RBM41: variants seen among roughly 807,000 people sequenced by gnomAD.
RBM41 encodes RNA-binding protein 41.
Under a neutral mutation model 30.8 loss-of-function variants are expected in RBM41, and 14 were observed. That is an observed-to-expected ratio of 0.45 (90% confidence interval 0.30 to 0.71). The LOEUF is 0.71. Among genes scored for constraint, RBM41 ranks in the 30% least tolerant of loss-of-function variants. RBM41 has a pLI of 0.08. For missense variants in RBM41, 276 were observed against 326.3 expected, an observed-to-expected ratio of 0.85 and a Z score of 1.19; for synonymous variants, 120 against 110.1, an observed-to-expected ratio of 1.09 and a Z score of -0.56.
At chrX:107,111,707 A>G (rs1924492689) in intron 5 of RBM41, among the ~76,000 whole-genome samples, 1 of 111,787 alleles carries the variant, frequency 8.9e-6, no homozygotes, top group Non-Finnish European at 1.9e-5. Context: ...TTCCACCTTA[A>G]AAAGAAAATT....
chrX:107,091,707 T>C (rs1484486445), intron 5 of RBM41, among the ~76,000 whole-genome samples: 1 of 112,120 alleles, frequency 8.9e-6, no homozygotes, highest in African/African-American at 3.2e-5. Flanking sequence ...AATAGGCATA[T>C]ATACACATAT....
chrX:107,090,287 T>C (rs1260854733), intron 5 of RBM41, among the ~76,000 whole-genome samples: 1 of 111,017 alleles, frequency 9.0e-6, no homozygotes, highest in Non-Finnish European at 1.9e-5. Context: ...GGCAGGAGAA[T>C]TGCTTGAACC....
intron 6 of RBM41, among the ~76,000 whole-genome samples, chrX:107,077,087 G>A (rs1255375792): frequency 4.5e-5 from 5 of 111,520 alleles, no homozygotes; most frequent in African/African-American, 6.5e-5. Context: ...AACAAACTTC[G>A]AGTTTCTCAT....
intron 6 of RBM41, among the ~76,000 whole-genome samples, chrX:107,075,284 C>A (rs775843928): frequency 8.9e-6 from 1 of 111,900 alleles, no homozygotes; most frequent in East Asian, 2.8e-4. Flanking sequence ...TTTAAATATA[C>A]GACCTGAGAC....
intron 5 of RBM41, among the ~76,000 whole-genome samples, chrX:107,091,021 C>G (rs1427196866): frequency 9.1e-6 from 1 of 109,463 alleles, no homozygotes; most frequent in African/African-American, 3.3e-5. Flanking sequence ...CATGTGTTCT[C>G]ATTGTTCAAC....
intron 6 of RBM41, among the ~76,000 whole-genome samples, chrX:107,075,366 T>C (rs1405850230): frequency 1.8e-5 from 2 of 111,976 alleles, no homozygotes; most frequent in African/African-American, 3.2e-5. Context: ...TTCTTTGCTA[T>C]GACACCAAAA....
Position 107,087,707 on chromosome X carries a change from G to A in RBM41, c.999+729C>T, listed in dbSNP as rs922951143. ...TGCAACCTCCGCCTCCCGGGTTCAA[G>A]TGATTCTCCTGCCTCAGCCTCCACA... On this transcript the variant is annotated intron_variant, in intron 6 of 7. Transcript: ENST00000685964. Among the ~76,000 whole-genome samples, 4 of 112,336 alleles carry A rather than the reference G, an allele frequency of 3.6e-5. No individual in the cohort carries two copies. The Admixed American group carries it at 3.8e-4, about 11-fold the overall frequency.
chrX:107,073,370 A>C (rs1255126739), intron 6 of RBM41, among the ~76,000 whole-genome samples: 1 of 112,321 alleles, frequency 8.9e-6, no homozygotes. Context: ...ACAAATTGCC[A>C]ACAAATATAT....
intron 5 of RBM41, among the ~76,000 whole-genome samples, chrX:107,099,480 C>T (rs187430169): frequency 3.6e-5 from 4 of 111,906 alleles, no homozygotes; most frequent in Admixed American, 9.5e-5. Context: ...TACAAACAGA[C>T]GGAAAGACAT....
chrX:107,076,726 A>G (rs1046902719), intron 6 of RBM41, among the ~76,000 whole-genome samples: 2 of 111,644 alleles, frequency 1.8e-5, no homozygotes, highest in African/African-American at 6.5e-5. Flanking sequence ...TTAAAACACA[A>G]TTTAAAAAAA....
chrX:107,080,777 A>C (rs1239034966), intron 6 of RBM41, among the ~76,000 whole-genome samples: 1 of 112,037 alleles, frequency 8.9e-6, no homozygotes, highest in East Asian at 2.8e-4. Flanking sequence ...ATGACAAATA[A>C]AGATGAGCTT....
chrX:107,106,009 T>C (rs1294928619), intron 5 of RBM41, among the ~76,000 whole-genome samples: 1 of 111,170 alleles, frequency 9.0e-6, no homozygotes, highest in African/African-American at 3.3e-5. Context: ...AAAGACAAAA[T>C]TGACAAATGG....
chrX:107,080,933 C>T (rs963698271), intron 6 of RBM41, among the ~76,000 whole-genome samples: 7 of 111,400 alleles, frequency 6.3e-5, no homozygotes, highest in Non-Finnish European at 9.4e-5. Flanking sequence ...TTTTATTAGA[C>T]GTGAGTTTTG....
At chrX:107,084,019 T>A in intron 6 of RBM41, among the ~76,000 whole-genome samples, 1 of 107,912 alleles carries the variant, frequency 9.3e-6, no homozygotes. Flanking sequence ...AGTATGAGGT[T>A]TTATGTTAAT....
At chrX:107,070,019 G>A (rs1935995994) in intron 6 of RBM41, 1 of 229,402 alleles carries the variant, frequency 4.4e-6, no homozygotes, top group Non-Finnish European at 8.0e-6. Context: ...TGGTAGTGGA[G>A]AGAGCCAAGA....
At chrX:107,089,747 T>C (rs998430222) in intron 5 of RBM41, among the ~76,000 whole-genome samples, 7 of 111,919 alleles carry the variant, frequency 6.3e-5, no homozygotes, top group Non-Finnish European at 1.3e-4. Flanking sequence ...TTGGTGGTCC[T>C]ATTTTTAGTG....
At chrX:107,116,839 T>C (rs1390536778) in intron 1 of RBM41, 73 bp from the exon 2 acceptor site, 1 of 974,230 alleles carries the variant, frequency 1.0e-6, no homozygotes, top group Non-Finnish European at 1.4e-6. Flanking sequence ...CTTATCTATA[T>C]TATCTACCAT....
downstream of RBM41, among the ~76,000 whole-genome samples, chrX:107,060,283 TC>T (rs1569318987): frequency 9.0e-6 from 1 of 110,661 alleles, no homozygotes; most frequent in Non-Finnish European, 1.9e-5. Flanking sequence ...ACTGCTGCTG[TC>T]TGAATGTGCC....
chrX:107,104,481 C>T (rs779318805), intron 5 of RBM41, among the ~76,000 whole-genome samples: 17 of 111,105 alleles, frequency 1.5e-4, no homozygotes, highest in African/African-American at 5.2e-4. Context: ...TAGAAAAAAT[C>T]TTTTCCCATT....
Sources: gnomAD v4.1 joint callset for allele counts (sites outside exome capture counted in the v4.1 genomes callset) on GRCh38, gnomAD v4.1.1 for gene constraint, MANE v1.5 for transcripts, NCBI Gene and HGNC (gene_info 2026-07-23, HGNC 2026-07-21) for gene names.